RPL7A: variants seen among roughly 807,000 people sequenced by gnomAD.
The protein encoded by RPL7A is large ribosomal subunit protein eL8.
For synonymous variants in RPL7A, 158 were observed against 128.2 expected, an observed-to-expected ratio of 1.23 and a Z score of -1.57; for missense variants, 291 against 338.2, an observed-to-expected ratio of 0.86 and a Z score of 1.09.
intron 2 of RPL7A, 115 bp from the exon 3 acceptor site, chr9:133,349,436 T>A: frequency 8.1e-7 from 1 of 1,229,122 alleles, no homozygotes; most frequent in Non-Finnish European, 1.2e-6. Context: ...TGAGAGATGG[T>A]GATGACATTT....
In RPL7A at chr9:133,348,222, C is replaced by T. The variant is rs2129976840; in HGVS notation, c.-22C>T. On this transcript the variant is annotated 5_prime_UTR_variant, in exon 1 of 8. Transcript: ENST00000323345. ...TATTACCCACAATTCCCTTTCCTTTCTCTCTCCTCCCGCCGCCCAAGATGG... is the reference window on the plus strand; with the variant it reads ...TATTACCCACAATTCCCTTTCCTTTTTCTCTCCTCCCGCCGCCCAAGATGG... 86 of 1,614,072 alleles carry T rather than the reference C, an allele frequency of 5.3e-5. 2 individuals carry two copies. The South Asian group carries it at 7.0e-4, about 13-fold the overall frequency.
intron 2 of RPL7A, 127 bp from the exon 3 acceptor site, chr9:133,349,420 GCTAT>G (rs2129985858): frequency 1.3e-5 from 14 of 1,103,794 alleles, no homozygotes; most frequent in African/African-American, 4.6e-5. Context: ...AAGAATATTT[GCTAT>G]CTGAGAGATG....
intron 3 of RPL7A, 23 bp downstream of exon 3, chr9:133,349,723 G>C (rs2129988209): frequency 8.1e-6 from 13 of 1,611,876 alleles, no homozygotes; most frequent in Non-Finnish European, 1.0e-5. Context: ...GGCGTGGAAA[G>C]GAGTTTCTCA....
Position 133,349,556 on chromosome 9 carries a change from G to C in RPL7A, c.130G>C (p.Asp44His). Reference protein sequence around the residue: ...KRPKNFGIGQDIQPKRDLTRF... With the variant: ...KRPKNFGIGQHIQPKRDLTRF... ...TGTCACCCTTTACTTCTCAGGACAG[G>C]ACATCCAGCCCAAAAGAGACCTCAC... is the stretch of plus-strand genomic sequence containing the variant. Residue 44 changes from aspartate to histidine, a missense_variant, in exon 3 of 8, where the codon GAC becomes CAC. By Grantham distance (81) the Asp-to-His change is moderately conservative. Coordinates refer to ENST00000323345, the MANE Select transcript of RPL7A (RefSeq NM_000972.3). 6.2e-7 allele frequency: 1 copy of C among 1,614,062 alleles called. No homozygotes were observed.
intron 4 of RPL7A, 54 bp from the exon 5 acceptor site, chr9:133,350,183 GCTT>G (rs1294038975): frequency 1.9e-6 from 3 of 1,611,872 alleles, no homozygotes; most frequent in Non-Finnish European, 2.5e-6. Context: ...GAGCCCAGCA[GCTT>G]CTTGTGACTA....
chr9:133,351,209 G>A, intron 7 of RPL7A, 53 bp from the exon 8 acceptor site: 5 of 1,582,040 alleles, frequency 3.2e-6, no homozygotes, highest in Non-Finnish European at 4.3e-6. Flanking sequence ...TAATAACCTT[G>A]AAAATCTCAG....
intron 4 of RPL7A, 45 bp from the exon 5 acceptor site, chr9:133,350,195 T>A (rs2129992013): frequency 6.2e-7 from 1 of 1,611,858 alleles, no homozygotes; most frequent in South Asian, 1.1e-5. Flanking sequence ...TTCTTGTGAC[T>A]AGAGCAGGCC....
At position 133,350,773 on chromosome 9, in the gene RPL7A, C is replaced by A. The variant is rs2129996017; in HGVS notation, c.626+46C>A. The A allele has an allele frequency of 3.8e-4, 604 of 1,607,106 alleles. 8 individuals carry two copies. The South Asian group carries it at 6.2e-3, about 17-fold the overall frequency. ...CAAACTTCCCCCCAGTTCATTTAAT[C>A]CATGCCTCACAGTTGTTTCCTTTTG... On this transcript the variant is annotated intron_variant, in intron 6 of 7. Coordinates refer to ENST00000323345, the MANE Select transcript of RPL7A (RefSeq NM_000972.3).
At chr9:133,348,296 CG>C (rs2129977848) in intron 1 of RPL7A, 50 bp downstream of exon 1, 1 of 1,613,730 alleles carries the variant, frequency 6.2e-7, no homozygotes, top group Non-Finnish European at 8.5e-7. Context: ...CGGCTGTATC[CG>C]CTGCCATCCT....
intron 1 of RPL7A, 43 bp from the exon 2 acceptor site, chr9:133,348,879 C>T (rs2129981801): frequency 2.5e-6 from 4 of 1,612,496 alleles, no homozygotes; most frequent in African/African-American, 2.7e-5. Context: ...CCCGACGAAG[C>T]GAGTGGAGGC....
Position 133,350,668 on chromosome 9 carries a change from A to T in RPL7A, c.567A>T (p.Arg189Ser). ...ACTGCATTATCAAGGGAAAGGCAAG[A>T]CTGGGACGTCTAGTCCACAGGAAGA... ...VPYCIIKGKA[R>S]LGRLVHRKTC... Residue 189 changes from arginine to serine, a missense_variant, in exon 6 of 8, where the codon AGA (arginine) becomes AGT (serine). By Grantham distance (110) the Arg-to-Ser change is moderately radical. Transcript: ENST00000323345. The T allele has an allele frequency of 6.2e-7, 1 of 1,614,138 alleles. No homozygotes were observed. Among genetic ancestry groups the T allele is most frequent in the East Asian group, 2.2e-5 (1 of 44,874 alleles).
rs1836395499 is a variant in RPL7A at position 133,351,379 on chromosome 9, G to A, written c.*13G>A. ...TAAACTGGGTTAAATGTACACTGTT[G>A]AGTTTTCTGTACATAAAAATAATTG... On this transcript the variant is annotated 3_prime_UTR_variant, in exon 8 of 8. Coordinates refer to ENST00000323345, the MANE Select transcript of RPL7A (RefSeq NM_000972.3). The A allele has an allele frequency of 5.2e-6, 8 of 1,536,490 alleles. No individual in the cohort carries two copies. The East Asian group carries it at 1.8e-4, about 35-fold the overall frequency.
intron 1 of RPL7A, chr9:133,348,557 G>T (rs959822088): frequency 3.4e-6 from 2 of 595,044 alleles, no homozygotes; most frequent in Admixed American, 2.9e-5. Context: ...CTTGCTGGGG[G>T]CCGCTCCAGA....
At chr9:133,348,425 T>A in intron 1 of RPL7A, 179 bp downstream of exon 1, 1 of 876,316 alleles carries the variant, frequency 1.1e-6, no homozygotes, top group Non-Finnish European at 1.8e-6. Context: ...CACGGAGACA[T>A]TGAGATGGAC....
chr9:133,348,883 T>C, intron 1 of RPL7A, 39 bp from the exon 2 acceptor site: 1 of 1,612,300 alleles, frequency 6.2e-7, no homozygotes, highest in Non-Finnish European at 8.5e-7. Flanking sequence ...ACGAAGCGAG[T>C]GGAGGCGGCG....
At position 133,349,929 on chromosome 9, in the gene RPL7A, C is replaced by G; in HGVS notation, c.292C>G (p.Leu98Val). ...DRQTATQLLK[L>V]AHKYRPETKQ... Reference sequence around the variant, plus strand: ...TTTTCCAGCTACTCAGCTGCTTAAGCTGGCCCACAAGTACAGACCAGAGAC... The same window carrying G: ...TTTTCCAGCTACTCAGCTGCTTAAGGTGGCCCACAAGTACAGACCAGAGAC... Residue 98 changes from leucine (L) to valine (V), a missense_variant, in exon 4 of 8, where the codon CTG becomes GTG. Transcript: ENST00000323345. 1.9e-6 allele frequency: 3 copies of G among 1,611,656 alleles called. No homozygotes were observed. Among genetic ancestry groups the G allele is most frequent in the Non-Finnish European group, 2.5e-6 (3 of 1,180,000 alleles).
intron 1 of RPL7A, chr9:133,348,533 T>G: frequency 1.7e-6 from 1 of 599,558 alleles, no homozygotes; most frequent in Admixed American, 2.9e-5. Flanking sequence ...CTCGGAGCCC[T>G]AGCGTCTCTC....
intron 7 of RPL7A, 39 bp from the exon 8 acceptor site, chr9:133,351,223 A>G: frequency 6.3e-7 from 1 of 1,591,752 alleles, no homozygotes; most frequent in South Asian, 1.1e-5. Flanking sequence ...ATCTCAGAAA[A>G]CAGTAAGCCA....
At position 133,349,843 on chromosome 9, in the gene RPL7A, G is replaced by A. The variant is rs1011791799; in HGVS notation, c.275-69G>A. 1.3e-4 allele frequency: 201 copies of A among 1,591,786 alleles called. 2 individuals carry two copies. In the South Asian group the frequency reaches 1.4e-3, roughly 11 times the overall value. On this transcript the variant is annotated intron_variant, in intron 3 of 7. Transcript: ENST00000323345. ...ATAGCAGGACCGCAGTCCAGCATTT[G>A]TTATTAAGTGTTAAGTGACAAGGAT...
Sources: allele counts gnomAD v4.1 joint callset, GRCh38; gene constraint gnomAD v4.1.1; transcripts MANE v1.5; gene names NCBI Gene and HGNC (gene_info 2026-07-23, HGNC 2026-07-21).